ARHGAP15: variants seen among roughly 807,000 people sequenced by gnomAD.
The protein encoded by ARHGAP15 is Rho GTPase activating protein 15.
ARHGAP15 carries 51 observed loss-of-function variants against 63.7 expected under a neutral mutation model. The observed-to-expected ratio is 0.80, with a 90% CI of 0.64 to 1.01. The LOEUF is 1.01. Among genes scored for constraint, ARHGAP15 ranks in the 50% least tolerant of loss-of-function variants. The probability of loss-of-function intolerance (pLI) is 0.00; values close to 1 mark genes in which losing one functional copy is unlikely to be tolerated. For synonymous variants in ARHGAP15, 191 were observed against 193.8 expected (o/e 0.99, Z 0.12); for missense variants, 560 against 564.6 (o/e 0.99, Z 0.08).
At chr2:143,687,074 A>T (rs1171695422) in intron 12 of ARHGAP15, among the ~76,000 whole-genome samples, 2 of 152,196 alleles carry the variant, frequency 1.3e-5, no homozygotes, top group Non-Finnish European at 2.9e-5. Flanking sequence ...AGAACAATTG[A>T]GGCAAAATTA....
chr2:143,450,102 CT>C (rs200169659), intron 8 of ARHGAP15, among the ~76,000 whole-genome samples: 1,167 of 110,592 alleles, frequency 0.011, 3 homozygotes, highest in Middle Eastern at 0.018. Flanking sequence ...CATAATTAAT[CT>C]TTTTTTTTTT....
intron 9 of ARHGAP15, among the ~76,000 whole-genome samples, chr2:143,489,075 A>G (rs1189818385): frequency 6.6e-6 from 1 of 152,224 alleles, no homozygotes; most frequent in South Asian, 2.1e-4. Context: ...CTTGAAAAAT[A>G]TAAAACCAGC....
chr2:143,659,415 T>A (rs10180727), intron 12 of ARHGAP15, among the ~76,000 whole-genome samples: 37,849 of 151,952 alleles, frequency 0.25, 5,860 homozygotes, highest in Admixed American at 0.36. Flanking sequence ...TAAATTTTTT[T>A]AAAAAAAATT....
At chr2:143,225,474 G>A (rs374010626) in intron 4 of ARHGAP15, among the ~76,000 whole-genome samples, 5 of 152,042 alleles carry the variant, frequency 3.3e-5, no homozygotes, top group South Asian at 2.1e-4. Flanking sequence ...GTTGGTGGGC[G>A]CCTGTAGTCC....
intron 6 of ARHGAP15, among the ~76,000 whole-genome samples, chr2:143,336,452 G>A (rs1485752599): frequency 1.3e-5 from 2 of 152,098 alleles, no homozygotes; most frequent in Non-Finnish European, 2.9e-5. Flanking sequence ...AATTGACGGA[G>A]GGCAGTTCAT....
chr2:143,597,388 T>A (rs1184183532), intron 11 of ARHGAP15, among the ~76,000 whole-genome samples: 1 of 152,150 alleles, frequency 6.6e-6, no homozygotes, highest in Non-Finnish European at 1.5e-5. Flanking sequence ...ATGTAGAAAG[T>A]CTACCTTTAA....
intron 12 of ARHGAP15, among the ~76,000 whole-genome samples, chr2:143,627,899 TG>T (rs1433861233): frequency 2.0e-5 from 3 of 152,088 alleles, no homozygotes; most frequent in Non-Finnish European, 2.9e-5. Context: ...TGCGTGATGC[TG>T]AGGTTTGAGG....
intron 6 of ARHGAP15, among the ~76,000 whole-genome samples, chr2:143,425,636 A>G (rs1430798587): frequency 6.6e-6 from 1 of 152,136 alleles, no homozygotes; most frequent in Non-Finnish European, 1.5e-5. Context: ...CAAACAGCAG[A>G]ATTACAATTT....
intron 12 of ARHGAP15, among the ~76,000 whole-genome samples, chr2:143,692,740 C>T (rs1683665501): frequency 6.6e-6 from 1 of 152,180 alleles, no homozygotes; most frequent in African/African-American, 2.4e-5. Context: ...AGGTTAATTT[C>T]ACAAATGACC....
At chr2:143,637,734 C>CA (rs145042540) in intron 12 of ARHGAP15, among the ~76,000 whole-genome samples, 36,100 of 138,230 alleles carry the variant, frequency 0.26, 4,592 homozygotes, top group Middle Eastern at 0.31. Flanking sequence ...AATATTGTGC[C>CA]AAAAAAAAAA....
rs181279725 is a variant in ARHGAP15, at chr2:143,530,218, T to G, written c.925+10854T>G. Among the ~76,000 whole-genome samples the G allele has an allele frequency of 1.9e-3, 293 of 152,232 alleles. 2 individuals carry two copies. Among genetic ancestry groups the G allele is most frequent in the African/African-American group, 7.0e-3 (291 of 41,556 alleles). On this transcript the variant is annotated intron_variant, in intron 10 of 13. Coordinates refer to ENST00000295095, the MANE Select transcript of ARHGAP15 (RefSeq NM_018460.4). ...AAAGAAATTACCTTAAAAGTGAAAGTAAGGGTTTTGTTTTTTGTTTGTTTT... is the reference window on the plus strand; with the variant it reads ...AAAGAAATTACCTTAAAAGTGAAAGGAAGGGTTTTGTTTTTTGTTTGTTTT...
chr2:143,629,911 A>T (rs1698996622), intron 12 of ARHGAP15, among the ~76,000 whole-genome samples: 1 of 152,196 alleles, frequency 6.6e-6, no homozygotes, highest in Non-Finnish European at 1.5e-5. Context: ...TAGAGAAGTT[A>T]TAAATGCACA....
At chr2:143,435,928 T>TC (rs555500834) in intron 7 of ARHGAP15, among the ~76,000 whole-genome samples, 67 of 152,278 alleles carry the variant, frequency 4.4e-4, no homozygotes, top group African/African-American at 1.5e-3. Context: ...TTTCTTTTTT[T>TC]CTGAAATAAC....
At chr2:143,608,682 C>T (rs191766947) in intron 11 of ARHGAP15, 12 of 152,014 alleles carry the variant, frequency 7.9e-5, no homozygotes, top group East Asian at 3.9e-4. Context: ...GTTTCACAGC[C>T]GACTAATAAA....
chr2:143,311,161 A>G (rs972323776), intron 6 of ARHGAP15, among the ~76,000 whole-genome samples: 1 of 152,096 alleles, frequency 6.6e-6, no homozygotes, highest in Non-Finnish European at 1.5e-5. Flanking sequence ...GGAAACAATA[A>G]AAGTTGCCCT....
At chr2:143,430,344 A>T (rs574331396) in intron 6 of ARHGAP15, among the ~76,000 whole-genome samples, 1 of 152,116 alleles carries the variant, frequency 6.6e-6, no homozygotes, top group East Asian at 1.9e-4. Flanking sequence ...TTTTATTTTA[A>T]CTTTGCTCAA....
chr2:143,392,660 G>A (rs1687584257), intron 6 of ARHGAP15, among the ~76,000 whole-genome samples: 1 of 152,178 alleles, frequency 6.6e-6, no homozygotes, highest in Non-Finnish European at 1.5e-5. Context: ...AAATCAGCAA[G>A]TGAAGTAGAG....
intron 12 of ARHGAP15, among the ~76,000 whole-genome samples, chr2:143,683,100 C>T (rs1481153025): frequency 6.6e-6 from 1 of 152,138 alleles, no homozygotes; most frequent in African/African-American, 2.4e-5. Context: ...CTTACATATG[C>T]TTCATTATGA....
intron 9 of ARHGAP15, among the ~76,000 whole-genome samples, chr2:143,490,052 T>G (rs919903944): frequency 6.6e-6 from 1 of 152,198 alleles, no homozygotes; most frequent in African/African-American, 2.4e-5. Context: ...CAGGCTGGAG[T>G]GCAGTGGCGC....
Sources: gnomAD v4.1 joint callset for allele counts (sites outside exome capture counted in the v4.1 genomes callset) on GRCh38, gnomAD v4.1.1 for gene constraint, MANE v1.5 for transcripts, NCBI Gene and HGNC (gene_info 2026-07-23, HGNC 2026-07-21) for gene names.